FAN1: variants seen among roughly 807,000 people sequenced by gnomAD.
FAN1 encodes the protein FANCD2 and FANCI associated nuclease 1.
FAN1 carries 91 observed loss-of-function variants against 104.9 expected under a neutral mutation model. The ratio of observed to expected loss-of-function variants is 0.87; its 90% CI spans 0.73 to 1.03. The LOEUF (loss-of-function observed/expected upper bound fraction) is 1.03. FAN1 is among the 50% of genes least tolerant of loss of function. The pLI is 0.00. For synonymous variants in FAN1, 478 were observed against 457.6 expected (o/e 1.04, Z -0.57); for missense variants, 1,263 against 1,239.9 (o/e 1.02, Z -0.28).
chr15:30,927,465 G>T, intron 10 of FAN1: 13 of 985,658 alleles, frequency 1.3e-5, no homozygotes, highest in Non-Finnish European at 1.6e-5. Context: ...CTGACAGGAA[G>T]ACAGGACAGA....
At chr15:30,937,416 C>T (rs1332290376) in intron 14 of FAN1, among the ~76,000 whole-genome samples, 157 bp downstream of exon 14, 2 of 150,698 alleles carry the variant, frequency 1.3e-5, no homozygotes, top group African/African-American at 4.9e-5. Context: ...TGCTTGAATA[C>T]ACTCATTGAT....
At position 30,937,161 on chromosome 15, in the gene FAN1, CAGA is replaced by C; in HGVS notation, c.2960_2962del (p.Gln987_Met988delinsLeu). Reference sequence around the variant, plus strand: ...CCCCAATGATCGTCTTTCACATAAGCAGATGATCTGGCTGGCTGAACTGCAGAA... The same window carrying C: ...CCCCAATGATCGTCTTTCACATAAGCTGATCTGGCTGGCTGAACTGCAGAA... On this transcript the variant is annotated inframe_deletion, in exon 14 of 15. Transcript: ENST00000362065. 1 of 1,613,958 alleles carries C rather than the reference CAGA, an allele frequency of 6.2e-7. No homozygotes were observed. Among genetic ancestry groups the C allele is most frequent in the Non-Finnish European group, 8.5e-7 (1 of 1,179,906 alleles).
At chr15:30,918,994 CAT>C in intron 6 of FAN1, among the ~76,000 whole-genome samples, 1 of 152,206 alleles carries the variant, frequency 6.6e-6, no homozygotes, top group East Asian at 1.9e-4. Flanking sequence ...CTACCGATTA[CAT>C]AGTCAATTAA....
intron 5 of FAN1, among the ~76,000 whole-genome samples, chr15:30,914,656 G>A (rs1566916306): frequency 6.6e-6 from 1 of 152,084 alleles, no homozygotes; most frequent in Non-Finnish European, 1.5e-5. Context: ...GTGAACCACC[G>A]CCCTCGGCCT....
At chr15:30,930,758 G>A in intron 13 of FAN1, 87 bp downstream of exon 13, 1 of 1,509,206 alleles carries the variant, frequency 6.6e-7, no homozygotes, top group Non-Finnish European at 9.1e-7. Context: ...TTGAGTGGCT[G>A]TTGGCAAGAT....
chr15:30,904,784 A>G lies in FAN1; in HGVS notation c.121A>G (p.Lys41Glu), dbSNP rs1566905469. ...ISCFNNAPPA[K>E]LACPVCSKMV... ...GTGTTTTAACAATGCACCACCTGCT[A>G]AACTTGCCTGCCCCGTTTGCAGTAA... The change falls in exon 2 of 15, where the codon AAA becomes GAA. Residue 41 changes from lysine to glutamate, a missense_variant. By Grantham distance (56) the Lys-to-Glu change is moderately conservative. This residue lies in a region of FAN1 where 682 missense variants were observed against 571.1 expected (regional missense o/e 1.19). Coordinates refer to ENST00000362065, the MANE Select transcript of FAN1 (RefSeq NM_014967.5). 3 of 1,613,702 alleles carry G rather than the reference A, an allele frequency of 1.9e-6. No individual in the cohort carries two copies. The highest frequency in any genetic ancestry group is 1.7e-6 in the Non-Finnish European group (2 of 1,179,630).
chr15:30,907,522 A>C (rs1158135944), intron 2 of FAN1, among the ~76,000 whole-genome samples: 1 of 113,608 alleles, frequency 8.8e-6, no homozygotes, highest in Admixed American at 7.8e-5. Flanking sequence ...CCATCTCAAA[A>C]AAAACAAAAC....
chr15:30,929,845 A>ATATATAAAATATAT (rs1566930752), intron 12 of FAN1, among the ~76,000 whole-genome samples: 2 of 61,148 alleles, frequency 3.3e-5, no homozygotes, highest in African/African-American at 2.1e-4. Flanking sequence ...ATAATATATA[A>ATATATAAAATATAT]AATATATATC....
chr15:30,925,502 C>T (rs1485638160), intron 9 of FAN1, among the ~76,000 whole-genome samples: 1 of 152,216 alleles, frequency 6.6e-6, no homozygotes, highest in Admixed American at 6.5e-5. Flanking sequence ...TGTGGTCACA[C>T]CCTGGGTTGA....
chr15:30,916,585 T>C (rs1009877883), intron 5 of FAN1, among the ~76,000 whole-genome samples: 11 of 152,212 alleles, frequency 7.2e-5, no homozygotes, highest in African/African-American at 2.2e-4. Context: ...AATTGACTTC[T>C]GGAAAGGTAA....
At chr15:30,905,964 G>A (rs975688745) in intron 2 of FAN1, 67 bp downstream of exon 2, 4 of 1,423,040 alleles carry the variant, frequency 2.8e-6, no homozygotes, top group Non-Finnish European at 3.9e-6. Flanking sequence ...GGGGCATGAT[G>A]TGATGGGCAG....
In FAN1 at chr15:30,910,791, G is replaced by GAATT; in HGVS notation, c.1554_1557dup (p.Gly520AsnfsTer21). The GAATT allele has an allele frequency of 6.2e-7, 1 of 1,613,914 alleles. No individual in the cohort carries two copies. The highest frequency in any genetic ancestry group is 8.5e-7 in the Non-Finnish European group (1 of 1,179,914). ...TGCACTTGGGGCAAGAATAAGCCTG[G>GAATT]AATTGGTGCAGTGATTTTAAAAAGG... On this transcript the variant is annotated frameshift_variant, in exon 4 of 15. Coordinates refer to ENST00000362065, the MANE Select transcript of FAN1 (RefSeq NM_014967.5). LOFTEE classifies it high-confidence loss of function.
chr15:30,922,103 G>C (rs1330839923), intron 7 of FAN1, 132 bp from the exon 8 acceptor site: 22 of 1,180,876 alleles, frequency 1.9e-5, no homozygotes, highest in African/African-American at 4.6e-5. Context: ...TCAGTTCGGG[G>C]TCCTTGGCCT....
chr15:30,905,860 G>T lies in FAN1; in HGVS notation c.1197G>T (p.Gln399His). The T allele has an allele frequency of 6.2e-7, 1 of 1,613,584 alleles. No individual in the cohort carries two copies. Among genetic ancestry groups the T allele is most frequent in the Non-Finnish European group, 8.5e-7 (1 of 1,179,508 alleles). The change falls in exon 2 of 15, where the codon CAG becomes CAT. Residue 399 changes from glutamine to histidine, a missense_variant. This residue lies in a region of FAN1 where 682 missense variants were observed against 571.1 expected (regional missense o/e 1.19). Coordinates refer to ENST00000362065, the MANE Select transcript of FAN1 (RefSeq NM_014967.5). ...ATGATATGTTGCTCTTTGATGAGCA[G>T]GAGAAGGGAATTGTAACTAAATTTT... ...NEDDMLLFDE[Q>H]EKGIVTKFYQ...
In FAN1 at chr15:30,911,761, C is replaced by T. The variant is rs535894815; in HGVS notation, c.1577+946C>T. 1.1e-4 allele frequency: 106 copies of T among 959,754 alleles called. 1 individual carries two copies. In the African/African-American group the frequency reaches 1.7e-3, roughly 16 times the overall value. The allele number at this position is 959,754 out of a possible 1,614,324, so 59.5% of individuals were successfully genotyped here. On this transcript the variant is annotated intron_variant, in intron 4 of 14. Coordinates refer to ENST00000362065, the MANE Select transcript of FAN1 (RefSeq NM_014967.5). The stretch of plus-strand genomic sequence containing the variant: ...ATGTAACATTTTATAAGCAAGTAAA[C>T]ATTAAATTTAGCCACCCTCTGGCTG...
At position 30,908,188 on chromosome 15, in the gene FAN1, G is replaced by C. The variant is rs775301410; in HGVS notation, c.1305G>C (p.Glu435Asp). 3 of 1,611,642 alleles carry C rather than the reference G, an allele frequency of 1.9e-6. No homozygotes were observed. The highest frequency in any genetic ancestry group is 2.2e-5 in the South Asian group (2 of 90,186). Residue 435 changes from glutamate (E) to aspartate (D), a missense_variant, in exon 3 of 15, where the codon GAG becomes GAC. Transcript: ENST00000362065. Reference sequence around the variant, plus strand: ...GCTGGATTAAGATGACCAAATTAGAGTATGAAGAGATTGCCTTAGACTTAA... The same window carrying C: ...GCTGGATTAAGATGACCAAATTAGACTATGAAGAGATTGCCTTAGACTTAA... ...KLSWIKMTKL[E>D]YEEIALDLTP...
intron 2 of FAN1, 144 bp downstream of exon 2, chr15:30,906,041 G>A: frequency 2.7e-6 from 2 of 749,136 alleles, no homozygotes; most frequent in South Asian, 3.5e-5. Context: ...CATGGGAGTT[G>A]GAGCATAGTC....
rs540575545 is a variant in FAN1, at chr15:30,926,633, C to T, written c.2488+694C>T. On this transcript the variant is annotated intron_variant, in intron 10 of 14. Transcript: ENST00000362065. ...GGAAGGGTGATGTTATTGGGGAAGA[C>T]GTGCAAATGCCAGTGAAGACAGAGA... The T allele has an allele frequency of 2.5e-5, 25 of 985,138 alleles. No individual in the cohort carries two copies. The East Asian group carries it at 4.5e-4, about 18-fold the overall frequency. The allele number at this position is 985,138 out of a possible 1,614,324, so 61.0% of individuals were successfully genotyped here. A position where few individuals can be genotyped will look rare whatever the true frequency, so the allele number is the denominator to read the frequency against.
intron 3 of FAN1, among the ~76,000 whole-genome samples, chr15:30,910,103 G>A (rs1328246315): frequency 6.6e-6 from 1 of 152,234 alleles, no homozygotes; most frequent in Non-Finnish European, 1.5e-5. Context: ...AACTTGTGAA[G>A]CCTTGAAGGC....
Sources: gnomAD v4.1 joint callset for allele counts (sites outside exome capture counted in the v4.1 genomes callset) on GRCh38, gnomAD v4.1.1 for gene constraint, gnomAD v4.1.1 regional missense constraint, MANE v1.5 for transcripts, NCBI Gene and HGNC (gene_info 2026-07-23, HGNC 2026-07-21) for gene names.